Variants in HNMT observed in about 807,000 individuals in gnomAD.
The protein encoded by HNMT is histamine N-methyltransferase.
Under a neutral mutation model 32.1 loss-of-function variants are expected in HNMT, and 30 were observed. That is an observed-to-expected ratio of 0.93 (90% CI 0.70 to 1.27). The LOEUF (loss-of-function observed/expected upper bound fraction) is 1.27. Among genes scored for constraint, HNMT ranks in the 50% most tolerant of loss-of-function variants. The probability of loss-of-function intolerance (pLI) is 0.00; values close to 1 mark genes in which losing one functional copy is unlikely to be tolerated. For missense variants in HNMT, 327 were observed against 346.0 expected, an observed-to-expected ratio of 0.95 and a Z score of 0.43; for synonymous variants, 125 against 119.0, an observed-to-expected ratio of 1.05 and a Z score of -0.33.
At chr2:137,999,232 T>C (rs1260039186) in intron 2 of HNMT, among the ~76,000 whole-genome samples, 1 of 152,172 alleles carries the variant, frequency 6.6e-6, no homozygotes, top group Non-Finnish European at 1.5e-5. Context: ...TAATGAGATG[T>C]TCCAGGTAAA....
chr2:138,001,910 C>T (rs764095823), intron 3 of HNMT, among the ~76,000 whole-genome samples, 154 bp from the exon 4 acceptor site: 4 of 152,038 alleles, frequency 2.6e-5, no homozygotes, highest in Non-Finnish European at 4.4e-5. Context: ...CCAAAAAAAG[C>T]AGTATGAACT....
chr2:137,967,006 T>A (rs1679977740), intron 1 of HNMT: 1 of 766,882 alleles, frequency 1.3e-6, no homozygotes, highest in African/African-American at 1.7e-5. Context: ...AATCCCTTGG[T>A]TCTATGTTAA....
chr2:137,989,547 G>A (rs996201361), intron 2 of HNMT, among the ~76,000 whole-genome samples: 1 of 152,176 alleles, frequency 6.6e-6, no homozygotes, highest in African/African-American at 2.4e-5. Context: ...TATGAATAAA[G>A]CTAATAAACA....
At chr2:137,977,913 A>G (rs1430981929) in intron 2 of HNMT, among the ~76,000 whole-genome samples, 1 of 151,804 alleles carries the variant, frequency 6.6e-6, no homozygotes. Flanking sequence ...TGGATATCCC[A>G]CCTTGCCTCC....
intron 1 of HNMT, among the ~76,000 whole-genome samples, chr2:137,968,851 A>G (rs2104922514): frequency 6.6e-6 from 1 of 152,346 alleles, no homozygotes; most frequent in Admixed American, 6.5e-5. Flanking sequence ...CACTGTAGAC[A>G]AAACACAGTT....
chr2:137,972,871 C>T (rs1474767559), intron 2 of HNMT, among the ~76,000 whole-genome samples: 1 of 152,156 alleles, frequency 6.6e-6, no homozygotes, highest in Non-Finnish European at 1.5e-5. Flanking sequence ...ATTTCTAATG[C>T]AAATTTATCC....
chr2:137,979,632 G>T (rs922248242), intron 2 of HNMT, among the ~76,000 whole-genome samples: 4 of 151,972 alleles, frequency 2.6e-5, no homozygotes, highest in African/African-American at 9.7e-5. Flanking sequence ...AGAGAATATA[G>T]TATAGCCACT....
chr2:137,967,864 T>C (rs1680006654), intron 1 of HNMT, among the ~76,000 whole-genome samples: 1 of 152,202 alleles, frequency 6.6e-6, no homozygotes, highest in Non-Finnish European at 1.5e-5. Context: ...TTACAAAATG[T>C]TCCTCTGCTC....
rs762154355 is a variant in HNMT at position 138,013,797 on chromosome 2, G to C, written c.546G>C (p.Leu182=). 3 of 1,611,844 alleles carry C rather than the reference G, an allele frequency of 1.9e-6. No individual in the cohort carries two copies. In the East Asian group the frequency reaches 6.7e-5, roughly 36 times the overall value. ...VVSGSSGWDK[L]WKKYGSRFPQ... ...CAGGAAGCAGTGGCTGGGACAAGCTGTGGAAAAAGTACGGATCACGCTTTC... is the reference window on the plus strand; with the variant it reads ...CAGGAAGCAGTGGCTGGGACAAGCTCTGGAAAAAGTACGGATCACGCTTTC... Residue 182 remains leucine (L), a synonymous_variant, in exon 6 of 6, where the codon CTG becomes CTC. Coordinates refer to ENST00000280097, the MANE Select transcript of HNMT (RefSeq NM_006895.3).
Position 137,964,626 on chromosome 2 carries a change from A to G in HNMT, c.135A>G (p.Gly45=). The G allele has an allele frequency of 2.5e-6, 4 of 1,613,730 alleles. No individual in the cohort carries two copies. The highest frequency in any genetic ancestry group is 3.4e-6 in the Non-Finnish European group (4 of 1,179,720). Residue 45 remains glycine, a splice_region_variant and synonymous_variant, in exon 1 of 6, where the codon GGA becomes GGG. Coordinates refer to ENST00000280097, the MANE Select transcript of HNMT (RefSeq NM_006895.3). ...FMDKKLPGII[G]RIGDTKSEIK... is the part of the protein sequence containing the mutation. Reference sequence around the variant, plus strand: ...ACAAGAAGCTGCCAGGCATAATAGGAAGGTAACAAAAGGGACGTTGTTGTC... The same window carrying G: ...ACAAGAAGCTGCCAGGCATAATAGGGAGGTAACAAAAGGGACGTTGTTGTC...
chr2:137,996,828 A>G (rs776076914), intron 2 of HNMT, among the ~76,000 whole-genome samples: 3 of 152,204 alleles, frequency 2.0e-5, no homozygotes, highest in Non-Finnish European at 4.4e-5. Context: ...ACAGATATAT[A>G]GACCAATGGA....
chr2:138,003,102 G>A (rs1401833656), intron 4 of HNMT, among the ~76,000 whole-genome samples: 1 of 100,310 alleles, frequency 1.0e-5, no homozygotes, highest in Admixed American at 1.2e-4. Context: ...GGGGAGGGGG[G>A]AGGGATAGCA....
rs528547619 is a variant in HNMT at position 137,971,334 on chromosome 2, C to T, written c.190+1117C>T. On this transcript the variant is annotated intron_variant, in intron 2 of 5. Coordinates refer to ENST00000280097, the MANE Select transcript of HNMT (RefSeq NM_006895.3). The stretch of plus-strand genomic sequence containing the variant: ...AGCTGGGATTACAGGCACCAACCAC[C>T]GCACCTGGCTAATTTTTGTATTTTT... Among the ~76,000 whole-genome samples the T allele has an allele frequency of 6.6e-5, 10 of 152,164 alleles. No homozygotes were observed. The East Asian group carries it at 9.7e-4, about 15-fold the overall frequency.
chr2:138,001,097 G>A, intron 3 of HNMT, 72 bp downstream of exon 3: 1 of 729,524 alleles, frequency 1.4e-6, no homozygotes, highest in Non-Finnish European at 2.3e-6. Flanking sequence ...TCCCTTGAAT[G>A]ATTAAAAATA....
At chr2:137,981,485 T>C in intron 2 of HNMT, 4 of 952,286 alleles carry the variant, frequency 4.2e-6, no homozygotes, top group Non-Finnish European at 4.9e-6. Flanking sequence ...TCCCCTTTCT[T>C]TGTTGCTTTG....
intron 2 of HNMT, among the ~76,000 whole-genome samples, chr2:137,986,478 T>C (rs1680654803): frequency 6.6e-6 from 1 of 152,052 alleles, no homozygotes; most frequent in Admixed American, 6.6e-5. Context: ...CAGTTCCAGC[T>C]CAAGCTGTTC....
intron 1 of HNMT, among the ~76,000 whole-genome samples, chr2:137,965,001 T>A (rs1158220039): frequency 6.6e-6 from 1 of 152,232 alleles, no homozygotes; most frequent in Non-Finnish European, 1.5e-5. Context: ...GAGTCTGGTA[T>A]GCTTTTCATT....
At chr2:138,011,013 G>A (rs1056567931) in intron 5 of HNMT, among the ~76,000 whole-genome samples, 3 of 151,806 alleles carry the variant, frequency 2.0e-5, no homozygotes, top group South Asian at 2.1e-4. Context: ...TTAGTGCAGT[G>A]AGAAAAAGAA....
At chr2:138,007,872 C>T (rs542500805) in intron 5 of HNMT, among the ~76,000 whole-genome samples, 1 of 152,116 alleles carries the variant, frequency 6.6e-6, no homozygotes, top group Admixed American at 6.6e-5. Flanking sequence ...TCACCTTTCT[C>T]TTGCTCAATC....
Sources: allele counts gnomAD v4.1 joint callset (sites outside exome capture counted in the v4.1 genomes callset), GRCh38; gene constraint gnomAD v4.1.1; transcripts MANE v1.5; gene names NCBI Gene and HGNC (gene_info 2026-07-23, HGNC 2026-07-21).